The following NEURL1 variants were observed in gnomAD, a reference collection of about 807,000 sequenced individuals.
NEURL1 encodes neuralized E3 ubiquitin protein ligase 1, also known as E3 ubiquitin-protein ligase NEURL1.
Under a neutral mutation model 41.2 loss-of-function variants are expected in NEURL1, and 26 were observed. The ratio of observed to expected loss-of-function variants is 0.63; its 90% confidence interval spans 0.46 to 0.87. NEURL1 has a LOEUF of 0.87. Ranked by LOEUF, NEURL1 falls within the 40% of genes least tolerant of loss-of-function variation. The pLI, the probability that NEURL1 is intolerant of heterozygous loss-of-function variation, is 0.00. For synonymous variants in NEURL1, 400 were observed against 402.3 expected (o/e 0.99, Z 0.07); for missense variants, 761 against 871.1 (o/e 0.87, Z 1.59).
Position 103,507,648 on chromosome 10 carries a change from G to A in NEURL1, c.85+13176G>A, listed in dbSNP as rs561531251. ...TGGGACCTGTGCTCCTGCCGTGGGTGTGAGGTTTTACAGCCAGGAAGAGAG... is the reference window on the plus strand; with the variant it reads ...TGGGACCTGTGCTCCTGCCGTGGGTATGAGGTTTTACAGCCAGGAAGAGAG... On this transcript the variant is annotated intron_variant, in intron 1 of 5. Coordinates refer to ENST00000369780, the MANE Select transcript of NEURL1 (RefSeq NM_004210.5). Among the ~76,000 whole-genome samples the A allele has an allele frequency of 2.0e-5, 3 of 152,284 alleles. No individual in the cohort carries two copies. In the South Asian group the frequency reaches 6.2e-4, roughly 32 times the overall value.
Position 103,498,462 on chromosome 10 carries a change from G to A in NEURL1, c.85+3990G>A, listed in dbSNP as rs2033742661. The stretch of plus-strand genomic sequence containing the variant: ...AGGATGGTCTCGATCTCCTGACCTT[G>A]TGATCCGCCCGCCTCGGCCTCCCAA... On this transcript the variant is annotated intron_variant, in intron 1 of 5. Coordinates refer to ENST00000369780, the MANE Select transcript of NEURL1 (RefSeq NM_004210.5). Among the ~76,000 whole-genome samples, 8 of 152,212 alleles carry A rather than the reference G, an allele frequency of 5.3e-5. No individual in the cohort carries two copies. The South Asian group carries it at 1.7e-3, about 32-fold the overall frequency.
chr10:103,521,230 T>G (rs1412289627), intron 1 of NEURL1, among the ~76,000 whole-genome samples: 1 of 152,108 alleles, frequency 6.6e-6, no homozygotes, highest in Non-Finnish European at 1.5e-5. Flanking sequence ...GTGATTTGAC[T>G]AATAAAGGGC....
chr10:103,516,803 G>T (rs773411341), intron 1 of NEURL1, among the ~76,000 whole-genome samples: 2 of 152,150 alleles, frequency 1.3e-5, no homozygotes, highest in Non-Finnish European at 2.9e-5. Flanking sequence ...CTGGAAGAAA[G>T]AAAAACCTGG....
intron 1 of NEURL1, among the ~76,000 whole-genome samples, chr10:103,551,406 G>T (rs891604806): frequency 1.4e-5 from 2 of 147,684 alleles, no homozygotes; most frequent in African/African-American, 5.1e-5. Flanking sequence ...GGGTTCACAC[G>T]ATTCTCCTGC....
At chr10:103,561,618 AG>A (rs1009048379) in intron 1 of NEURL1, among the ~76,000 whole-genome samples, 11 of 152,172 alleles carry the variant, frequency 7.2e-5, no homozygotes, top group African/African-American at 1.2e-4. Flanking sequence ...CCCACGCTTA[AG>A]GGGAAGGGGT....
In NEURL1 at chr10:103,584,585, CCTGCGGCGGCCGTCG is replaced by C; in HGVS notation, c.708_722del (p.Pro237_Arg241del). 6 of 1,416,280 alleles carry C rather than the reference CCTGCGGCGGCCGTCG, an allele frequency of 4.2e-6. No individual in the cohort carries two copies. Among genetic ancestry groups the C allele is most frequent in the Non-Finnish European group, 4.6e-6 (5 of 1,090,820 alleles). The allele number at this position is 1,416,280 out of a possible 1,614,324, so 87.7% of individuals were successfully genotyped here. On this transcript the variant is annotated inframe_deletion, in exon 4 of 6. Transcript: ENST00000369780. ...GTCTGCGGCCGCGCTCCTTCACCGCCCTGCGGCGGCCGTCGCTGCGGCGCGAGGCGGACGACGCGC... is the reference window on the plus strand; with the variant it reads ...GTCTGCGGCCGCGCTCCTTCACCGCCCTGCGGCGCGAGGCGGACGACGCGC...
At chr10:103,544,497 C>T (rs1398095313) in intron 1 of NEURL1, among the ~76,000 whole-genome samples, 1 of 152,106 alleles carries the variant, frequency 6.6e-6, no homozygotes, top group Non-Finnish European at 1.5e-5. Context: ...ACTCCTGGTT[C>T]AGAGATAAAG....
chr10:103,545,386 T>G lies in NEURL1; in HGVS notation c.86-25486T>G, dbSNP rs1325852051. On this transcript the variant is annotated intron_variant, in intron 1 of 5. Coordinates refer to ENST00000369780, the MANE Select transcript of NEURL1 (RefSeq NM_004210.5). The surrounding 1 kb of genome is among the most constrained non-coding windows in gnomAD (Gnocchi z 4.5). ...GTTTGTGGGGCTATGAGATGTGAGG[T>G]TGTCTGGGGTTGGGGTCAGGGACTC... is the stretch of plus-strand genomic sequence containing the variant. Among the ~76,000 whole-genome samples, 1 of 152,060 alleles carries G rather than the reference T, an allele frequency of 6.6e-6. No individual in the cohort carries two copies. Among genetic ancestry groups the G allele is most frequent in the East Asian group, 1.9e-4 (1 of 5,186 alleles).
At chr10:103,574,565 G>T (rs1321585764) in intron 3 of NEURL1, among the ~76,000 whole-genome samples, 1 of 152,248 alleles carries the variant, frequency 6.6e-6, no homozygotes, top group Admixed American at 6.5e-5. Flanking sequence ...GGAGGCTGAG[G>T]TCAGTGGGGG....
chr10:103,584,198 C>T (rs2035845830), intron 3 of NEURL1, among the ~76,000 whole-genome samples: 1 of 152,026 alleles, frequency 6.6e-6, no homozygotes, highest in Non-Finnish European at 1.5e-5. Context: ...ACGGAAGGAG[C>T]CCAGGAGTTA....
chr10:103,573,933 T>C (rs972115121), intron 3 of NEURL1, among the ~76,000 whole-genome samples: 1 of 152,218 alleles, frequency 6.6e-6, no homozygotes, highest in Admixed American at 6.5e-5. Flanking sequence ...CTTCTCTCAG[T>C]ACTGAGCATC....
intron 1 of NEURL1, among the ~76,000 whole-genome samples, chr10:103,501,020 G>T (rs925383108): frequency 9.2e-5 from 14 of 152,158 alleles, no homozygotes; most frequent in African/African-American, 3.4e-4. Context: ...AAGGTGTCTT[G>T]GTGAGTGGGC....
At chr10:103,530,604 G>A (rs1281102840) in intron 1 of NEURL1, among the ~76,000 whole-genome samples, 1 of 150,512 alleles carries the variant, frequency 6.6e-6, no homozygotes, top group East Asian at 2.0e-4. Context: ...GCAGTGGCAC[G>A]ATTTGGGCTC....
intron 1 of NEURL1, among the ~76,000 whole-genome samples, chr10:103,530,539 A>G (rs77252562): frequency 2.2e-3 from 335 of 151,884 alleles, no homozygotes; most frequent in African/African-American, 7.8e-3. Flanking sequence ...CAGAAATGAT[A>G]GTTGATATGA....
intron 1 of NEURL1, chr10:103,551,067 G>T (rs1012229671): frequency 1.3e-5 from 2 of 152,096 alleles, no homozygotes; most frequent in South Asian, 2.1e-4. Flanking sequence ...AGAGCTGAAA[G>T]AACCTGATTC....
intron 1 of NEURL1, among the ~76,000 whole-genome samples, chr10:103,498,989 T>A (rs1168139954): frequency 2.6e-5 from 4 of 152,254 alleles, no homozygotes; most frequent in African/African-American, 2.4e-5. Flanking sequence ...ATAATGCTGC[T>A]ATGAACATCT....
rs1314120372 is a variant in NEURL1 at position 103,591,082 on chromosome 10, C to G, written c.*710C>G. The G allele has an allele frequency of 6.5e-6, 1 of 152,872 alleles. No individual in the cohort carries two copies. The highest frequency in any genetic ancestry group is 1.5e-5 in the Non-Finnish European group (1 of 68,206). 9.5% of individuals were successfully genotyped at this position (152,872 alleles called of 1,614,324 possible). ...GGGCACATGGACAGGCTGCAGAGGG[C>G]TCCAGGTTCTGGGCCCCTGGCTGAG... On this transcript the variant is annotated 3_prime_UTR_variant, in exon 6 of 6. Transcript: ENST00000369780.
chr10:103,562,514 G>A (rs1259084475), intron 1 of NEURL1, among the ~76,000 whole-genome samples: 1 of 152,212 alleles, frequency 6.6e-6, no homozygotes, highest in Non-Finnish European at 1.5e-5. Context: ...GAACACAGAA[G>A]CTGATGGGAG....
intron 3 of NEURL1, among the ~76,000 whole-genome samples, chr10:103,576,529 T>G (rs551039857): frequency 1.3e-5 from 2 of 152,118 alleles, no homozygotes; most frequent in African/African-American, 4.8e-5. Flanking sequence ...TAAGAGGGAC[T>G]GGCTGGTTGA....
Sources: gnomAD v4.1 joint callset for allele counts (sites outside exome capture counted in the v4.1 genomes callset) on GRCh38, gnomAD v4.1.1 for gene constraint, Gnocchi (gnomAD v3.1) non-coding constraint, MANE v1.5 for transcripts, NCBI Gene and HGNC (gene_info 2026-07-23, HGNC 2026-07-21) for gene names.